The following TTC21B variants were observed in gnomAD, a reference collection of about 807,000 sequenced individuals.
TTC21B encodes the protein tetratricopeptide repeat protein 21B.
TTC21B carries 127 observed loss-of-function variants against 175.1 expected under a neutral mutation model. That is an observed-to-expected ratio of 0.73 (90% confidence interval 0.63 to 0.84). The LOEUF (loss-of-function observed/expected upper bound fraction) is 0.84, where lower values mean the gene tolerates loss of function less well. Ranked by LOEUF, TTC21B falls within the 40% of genes least tolerant of loss-of-function variation. The pLI is 0.00. For synonymous variants in TTC21B, 524 were observed against 524.5 expected (o/e 1.00, Z 0.01); for missense variants, 1,561 against 1,558.3 (o/e 1.00, Z -0.03).
At chr2:165,927,110 A>C (rs186797681) in intron 11 of TTC21B, among the ~76,000 whole-genome samples, 1,173 of 32,104 alleles carry the variant, frequency 0.037, 289 homozygotes, top group Middle Eastern at 0.091. Flanking sequence ...ATATATATAT[A>C]TCCTAGTAGA....
chr2:165,934,678 C>T (rs888177242), intron 6 of TTC21B: 1 of 148,600 alleles, frequency 6.7e-6, no homozygotes, highest in Admixed American at 6.7e-5. Context: ...TGAAAAATTG[C>T]TCAATCTCAA....
At chr2:165,927,337 TAATA>T (rs1364311734) in intron 11 of TTC21B, among the ~76,000 whole-genome samples, 4 of 88,398 alleles carry the variant, frequency 4.5e-5, no homozygotes, top group Non-Finnish European at 9.7e-5. Flanking sequence ...ATATAATATA[TAATA>T]TATATATAAT....
chr2:165,894,935 C>G (rs1685314637), intron 22 of TTC21B, among the ~76,000 whole-genome samples: 1 of 152,022 alleles, frequency 6.6e-6, no homozygotes, highest in Non-Finnish European at 1.5e-5. Context: ...CCAACTCATC[C>G]CAGTTTGCCT....
chr2:165,914,022 T>C lies in TTC21B; in HGVS notation c.2139-376A>G, dbSNP rs960868711. Among the ~76,000 whole-genome samples the C allele has an allele frequency of 6.6e-4, 101 of 152,182 alleles. 1 individual carries two copies. The highest frequency in any genetic ancestry group is 2.1e-4 in the Non-Finnish European group (14 of 68,022). ...AAATTTTACTGTCCTCCTATGCATC[T>C]TGAGCTCTGATACTCATGGCATAAA... is the stretch of plus-strand genomic sequence containing the variant. On this transcript the variant is annotated intron_variant, in intron 15 of 28. Transcript: ENST00000243344.
chr2:165,880,435 AG>A (rs1684800942), intron 27 of TTC21B, among the ~76,000 whole-genome samples: 1 of 152,188 alleles, frequency 6.6e-6, no homozygotes, highest in African/African-American at 2.4e-5. Flanking sequence ...AAGGAAGAGA[AG>A]GGGGCAGAAT....
rs118082674 is a variant in TTC21B, at chr2:165,915,845, G to A, written c.1900-406C>T. Among the ~76,000 whole-genome samples, 9 of 152,266 alleles carry A rather than the reference G, an allele frequency of 5.9e-5. No homozygotes were observed. The East Asian group carries it at 1.7e-3, about 29-fold the overall frequency. On this transcript the variant is annotated intron_variant, in intron 14 of 28. Coordinates refer to ENST00000243344, the MANE Select transcript of TTC21B (RefSeq NM_024753.5). Reference sequence around the variant, plus strand: ...AATATTCTACCTCATTTCCAAATGTGTACCTTGATGAATCTAAAATGTCAT... The same window carrying A: ...AATATTCTACCTCATTTCCAAATGTATACCTTGATGAATCTAAAATGTCAT...
At chr2:165,893,074 A>G (rs1320469438) in intron 22 of TTC21B, among the ~76,000 whole-genome samples, 2 of 152,202 alleles carry the variant, frequency 1.3e-5, no homozygotes, top group Non-Finnish European at 2.9e-5. Context: ...TGGTTTCAGA[A>G]AAAGACAATT....
chr2:165,927,437 A>C (rs184711984), intron 11 of TTC21B, among the ~76,000 whole-genome samples: 14 of 145,352 alleles, frequency 9.6e-5, no homozygotes. Flanking sequence ...TGACCACTGT[A>C]TCTAAAATCG....
Position 165,915,194 on chromosome 2 carries a change from T to C in TTC21B, c.2138+7A>G, listed in dbSNP as rs1261347051. 1.9e-6 allele frequency: 3 copies of C among 1,602,376 alleles called. No homozygotes were observed. The highest frequency in any genetic ancestry group is 1.7e-6 in the Non-Finnish European group (2 of 1,169,600). ...TCAAAATATAATGGGTTAAGACAATTACTTACCTAAAACAAGTGATATATA... is the reference window on the plus strand; with the variant it reads ...TCAAAATATAATGGGTTAAGACAATCACTTACCTAAAACAAGTGATATATA... On this transcript the variant is annotated splice_region_variant and intron_variant, in intron 15 of 28. Coordinates refer to ENST00000243344, the MANE Select transcript of TTC21B (RefSeq NM_024753.5).
intron 15 of TTC21B, among the ~76,000 whole-genome samples, chr2:165,914,696 T>TGCGCGCGC (rs1218045717): frequency 7.0e-6 from 1 of 143,036 alleles, no homozygotes; most frequent in African/African-American, 3.0e-5. Context: ...TGTGTGTGTG[T>TGCGCGCGC]GTTGTGTATC....
chr2:165,940,912 A>T, intron 6 of TTC21B, 115 bp downstream of exon 6: 1 of 1,112,790 alleles, frequency 9.0e-7, no homozygotes, highest in Non-Finnish European at 1.3e-6. Context: ...TCGGTTCCAC[A>T]CTGTTTGAAA....
At chr2:165,914,786 T>A (rs1014393354) in intron 15 of TTC21B, among the ~76,000 whole-genome samples, 1 of 151,490 alleles carries the variant, frequency 6.6e-6, no homozygotes, top group African/African-American at 2.4e-5. Flanking sequence ...AATCCACACG[T>A]TAGCATGGTA....
In TTC21B at chr2:165,873,685, T is replaced by A. The variant is rs137963707; in HGVS notation, c.*1070A>T. Reference sequence around the variant, plus strand: ...AAGTCTTCTAGGCTAAGGTTAAATATCCCTAATAAGGGACCTATTTAAATT... The same window carrying A: ...AAGTCTTCTAGGCTAAGGTTAAATAACCCTAATAAGGGACCTATTTAAATT... On this transcript the variant is annotated 3_prime_UTR_variant, in exon 29 of 29. Coordinates refer to ENST00000243344, the MANE Select transcript of TTC21B (RefSeq NM_024753.5). The A allele has an allele frequency of 8.8e-4, 134 of 152,260 alleles. No homozygotes were observed. Among genetic ancestry groups the A allele is most frequent in the African/African-American group, 3.0e-3 (123 of 41,548 alleles). The allele number at this position is 152,260 out of a possible 1,614,324, so 9.4% of individuals were successfully genotyped here.
intron 24 of TTC21B, among the ~76,000 whole-genome samples, chr2:165,888,676 AAATT>A (rs1443526797): frequency 6.6e-6 from 1 of 152,204 alleles, no homozygotes; most frequent in Non-Finnish European, 1.5e-5. Context: ...ATTTTAAACA[AAATT>A]AATATGGACT....
In TTC21B at chr2:165,911,375, AC is replaced by A. The variant is rs1685925827; in HGVS notation, c.2412del (p.Trp804CysfsTer18). Reference protein sequence around the residue: ...DLAELLLKLKWYDKAEKVLQH... With the variant: ...DLAELLLKLKXYDKAEKVLQH... The stretch of plus-strand genomic sequence containing the variant: ...TGAAGAACTTTTTCTGCTTTGTCAT[AC>A]CATTTCAATTTTAATAAGAGCTCAG... On this transcript the variant is annotated frameshift_variant, in exon 18 of 29. Coordinates refer to ENST00000243344, the MANE Select transcript of TTC21B (RefSeq NM_024753.5). LOFTEE classifies it high-confidence loss of function. 6.2e-7 allele frequency: 1 copy of A among 1,613,784 alleles called. No homozygotes were observed.
Position 165,949,115 on chromosome 2 carries a change from T to G in TTC21B, c.262+279A>C, listed in dbSNP as rs886597218. 7.5e-6 allele frequency: 3 copies of G among 399,552 alleles called. No individual in the cohort carries two copies. The Admixed American group carries it at 1.3e-4, about 17-fold the overall frequency. The allele number at this position is 399,552 out of a possible 1,614,324, so 24.8% of individuals were successfully genotyped here. A position where few individuals can be genotyped will look rare whatever the true frequency, so the allele number is the denominator to read the frequency against. On this transcript the variant is annotated intron_variant, in intron 3 of 28. Transcript: ENST00000243344. ...TGTTTCTTTGGCTGTCCTTTTTTTGTGTAACAATTACTAATATACATTCCC... is the reference window on the plus strand; with the variant it reads ...TGTTTCTTTGGCTGTCCTTTTTTTGGGTAACAATTACTAATATACATTCCC...
At chr2:165,898,498 T>C (rs1360452185) in intron 22 of TTC21B, 188 bp downstream of exon 22, 1 of 641,670 alleles carries the variant, frequency 1.6e-6, no homozygotes, top group Non-Finnish European at 2.8e-6. Context: ...TAATTTAAAG[T>C]GAGACCAGTC....
chr2:165,946,108 G>A (rs1392712329), intron 3 of TTC21B, among the ~76,000 whole-genome samples: 7 of 150,180 alleles, frequency 4.7e-5, no homozygotes, highest in Non-Finnish European at 8.9e-5. Context: ...GGCGGATCAC[G>A]AGGTCAGGAG....
At chr2:165,906,754 T>C (rs1224394923) in intron 19 of TTC21B, among the ~76,000 whole-genome samples, 1 of 152,046 alleles carries the variant, frequency 6.6e-6, no homozygotes, top group African/African-American at 2.4e-5. Flanking sequence ...GAGACCAGCC[T>C]GACCAACATG....
Sources: allele counts gnomAD v4.1 joint callset (sites outside exome capture counted in the v4.1 genomes callset), GRCh38; gene constraint gnomAD v4.1.1; transcripts MANE v1.5; gene names NCBI Gene and HGNC (gene_info 2026-07-23, HGNC 2026-07-21).